ATP1A4: variants seen among roughly 807,000 people sequenced by gnomAD.
The protein encoded by ATP1A4 is sodium/potassium-transporting ATPase subunit alpha-4.
In ATP1A4, 90 loss-of-function variants were observed where a neutral mutation model predicts 114.3. The ratio of observed to expected loss-of-function variants is 0.79; its 90% CI spans 0.66 to 0.94. ATP1A4 has a LOEUF of 0.94. Among genes scored for constraint, ATP1A4 ranks in the 40% least tolerant of loss-of-function variants. ATP1A4 has a pLI of 0.00. For missense variants in ATP1A4, 1,222 were observed against 1,313.6 expected (o/e 0.93, Z 1.08); for synonymous variants, 511 against 494.1 (o/e 1.03, Z -0.45).
Position 160,173,731 on chromosome 1 carries a change from A to G in ATP1A4, c.1991+14A>G, listed in dbSNP as rs1434202939. The G allele has an allele frequency of 2.5e-6, 4 of 1,613,138 alleles. No individual in the cohort carries two copies. The highest frequency in any genetic ancestry group is 3.4e-6 in the Non-Finnish European group (4 of 1,179,442). On this transcript the variant is annotated intron_variant, in intron 13 of 21. Transcript: ENST00000368081. ...GGTCGATGCCAGGTGAGATCACTAA[A>G]GAACTCAAGATCTGCCATGTTCCCT...
At chr1:160,174,818 C>A (rs1404066423) in intron 15 of ATP1A4, 71 bp downstream of exon 15, 9 of 1,589,252 alleles carry the variant, frequency 5.7e-6, no homozygotes, top group Non-Finnish European at 7.7e-6. Flanking sequence ...TACATCCCCT[C>A]TTTCCGTTTT....
intron 12 of ATP1A4, 119 bp downstream of exon 12, chr1:160,171,876 C>T: frequency 9.5e-7 from 1 of 1,050,392 alleles, no homozygotes; most frequent in South Asian, 1.8e-5. Flanking sequence ...TTTCTGTTTC[C>T]TTGGGCTTAT....
At chr1:160,174,036 A>T in intron 13 of ATP1A4, 75 bp from the exon 14 acceptor site, 1 of 1,523,874 alleles carries the variant, frequency 6.6e-7, no homozygotes, top group Non-Finnish European at 8.9e-7. Context: ...ATGAAGCTAT[A>T]GTCAAGATGG....
rs999908402 is a variant in ATP1A4 at position 160,175,979 on chromosome 1, G to T, written c.2312-113G>T. The T allele has an allele frequency of 7.1e-6, 8 of 1,125,772 alleles. 1 individual carries two copies. The East Asian group carries it at 9.4e-5, about 13-fold the overall frequency. The allele number at this position is 1,125,772 out of a possible 1,614,324, so 69.7% of individuals were successfully genotyped here. On this transcript the variant is annotated intron_variant, in intron 15 of 21. Transcript: ENST00000368081. ...GGACCCTGGAGGTCTAGGACCTCCA[G>T]ACCCTTTCCTGGACTGTGACACTTC...
In ATP1A4 at chr1:160,186,888, C is replaced by T; in HGVS notation, c.*189C>T. On this transcript the variant is annotated 3_prime_UTR_variant, in exon 22 of 22. Coordinates refer to ENST00000368081, the MANE Select transcript of ATP1A4 (RefSeq NM_144699.4). The stretch of plus-strand genomic sequence containing the variant: ...TGAGGTGGGCTGAAGGGAAGCCCAG[C>T]CTGCATCTAGCTGGAGCCCCGCAGG... 1 of 682,170 alleles carries T rather than the reference C, an allele frequency of 1.5e-6. No individual in the cohort carries two copies. Among genetic ancestry groups the T allele is most frequent in the Middle Eastern group, 2.8e-4 (1 of 3,632 alleles). The allele number at this position is 682,170 out of a possible 1,614,324, so 42.3% of individuals were successfully genotyped here.
At chr1:160,185,580 G>A (rs1653850942) in intron 20 of ATP1A4, among the ~76,000 whole-genome samples, 1 of 152,020 alleles carries the variant, frequency 6.6e-6, no homozygotes, top group African/African-American at 2.4e-5. Context: ...GAGCTCAAGA[G>A]TTCAAGACCG....
In ATP1A4 at chr1:160,157,485, G is replaced by C. The variant is rs543820824; in HGVS notation, c.525+1327G>C. On this transcript the variant is annotated intron_variant, in intron 4 of 21. Coordinates refer to ENST00000368081, the MANE Select transcript of ATP1A4 (RefSeq NM_144699.4). ...AGTTTGCTTAGGACAATGTCCTCCAGCTCCACCAAAGATAATGCGTTAAAG... is the reference window on the plus strand; with the variant it reads ...AGTTTGCTTAGGACAATGTCCTCCACCTCCACCAAAGATAATGCGTTAAAG... 2.6e-5 allele frequency among the ~76,000 whole-genome samples: 4 copies of C among 152,292 alleles called. No homozygotes were observed. In the East Asian group the frequency reaches 7.7e-4, roughly 29 times the overall value.
At chr1:160,153,646 T>C (rs766442108) in intron 2 of ATP1A4, among the ~76,000 whole-genome samples, 1 of 152,268 alleles carries the variant, frequency 6.6e-6, no homozygotes, top group Non-Finnish European at 1.5e-5. Context: ...TATTCATATA[T>C]GTTTTGACAA....
At chr1:160,172,613 T>C (rs1653305053) in intron 12 of ATP1A4, among the ~76,000 whole-genome samples, 1 of 152,212 alleles carries the variant, frequency 6.6e-6, no homozygotes, top group Non-Finnish European at 1.5e-5. Flanking sequence ...ACTCATCATA[T>C]ACATCTTTAC....
intron 20 of ATP1A4, chr1:160,182,775 G>A (rs1653752755): frequency 6.6e-6 from 1 of 152,608 alleles, no homozygotes; most frequent in South Asian, 2.1e-4. Flanking sequence ...AGGTTCAAGT[G>A]ATTCTCCTGC....
At chr1:160,166,162 C>T (rs1256841601) in intron 7 of ATP1A4, among the ~76,000 whole-genome samples, 9 of 152,084 alleles carry the variant, frequency 5.9e-5, no homozygotes, top group African/African-American at 2.4e-5. Flanking sequence ...CTGAGCTACT[C>T]GGGAGCCTGA....
At chr1:160,167,490 C>T in intron 10 of ATP1A4, 78 bp downstream of exon 10, 1 of 1,569,396 alleles carries the variant, frequency 6.4e-7, no homozygotes, top group South Asian at 1.2e-5. Flanking sequence ...TTTGCCTCTG[C>T]CTTCAACTTC....
At chr1:160,181,614 A>G in intron 18 of ATP1A4, 70 bp from the exon 19 acceptor site, 1 of 1,546,324 alleles carries the variant, frequency 6.5e-7, no homozygotes, top group South Asian at 1.2e-5. Context: ...GGAAGGTGGG[A>G]GAGGAAAGAA....
chr1:160,175,450 T>C (rs1030030780), intron 15 of ATP1A4, among the ~76,000 whole-genome samples: 1 of 152,144 alleles, frequency 6.6e-6, no homozygotes, highest in Non-Finnish European at 1.5e-5. Context: ...TGGGAGGCAC[T>C]ATGCTTGATG....
At chr1:160,184,083 G>C (rs1415661940) in intron 20 of ATP1A4, among the ~76,000 whole-genome samples, 2 of 151,858 alleles carry the variant, frequency 1.3e-5, no homozygotes, top group Non-Finnish European at 2.9e-5. Flanking sequence ...CTCCTGAGTA[G>C]CTGGGATTAC....
intron 12 of ATP1A4, 145 bp downstream of exon 12, chr1:160,171,902 G>A (rs1653278900): frequency 2.4e-6 from 2 of 819,634 alleles, no homozygotes; most frequent in Admixed American, 3.2e-5. Context: ...TTAATTAATA[G>A]TAAGTTTCCT....
At chr1:160,163,596 C>T (rs1451699013) in intron 6 of ATP1A4, among the ~76,000 whole-genome samples, 1 of 152,186 alleles carries the variant, frequency 6.6e-6, no homozygotes, top group South Asian at 2.1e-4. Context: ...CATGGAGGAG[C>T]GTCTGTGCCC....
rs1396882380 is a variant in ATP1A4 at position 160,155,056 on chromosome 1, C to T, written c.219C>T (p.His73=). The T allele has an allele frequency of 1.2e-6, 2 of 1,613,742 alleles. No homozygotes were observed. Among genetic ancestry groups the T allele is most frequent in the African/African-American group, 1.3e-5 (1 of 74,912 alleles). ...TCTTCTCTGCACAGGGCCATAGCCA[C>T]CAAAGGGCAAAGGAAATCCTGACTC... The part of the protein sequence containing the change: ...YSVDLTKGHS[H]QRAKEILTRG... The change falls in exon 3 of 22, where the codon CAC becomes CAT. Residue 73 remains histidine, a synonymous_variant. Coordinates refer to ENST00000368081, the MANE Select transcript of ATP1A4 (RefSeq NM_144699.4).
At position 160,176,116 on chromosome 1, in the gene ATP1A4, A is replaced by T. The variant is rs201779118; in HGVS notation, c.2336A>T (p.Lys779Met). 3 of 1,613,984 alleles carry T rather than the reference A, an allele frequency of 1.9e-6. No homozygotes were observed. Among genetic ancestry groups the T allele is most frequent in the Non-Finnish European group, 2.5e-6 (3 of 1,180,028 alleles). ...EEGRLIFDNL[K>M]KSIMYTLTSN... ...GGCCGCCTGATCTTTGACAACCTGA[A>T]GAAATCCATCATGTACACCCTGACC... The change falls in exon 16 of 22, where the codon AAG (lysine) becomes ATG (methionine). Residue 779 changes from lysine (K) to methionine (M), a missense_variant. Transcript: ENST00000368081.
Sources: gnomAD v4.1 joint callset for allele counts (sites outside exome capture counted in the v4.1 genomes callset) on GRCh38, gnomAD v4.1.1 for gene constraint, MANE v1.5 for transcripts, NCBI Gene and HGNC (gene_info 2026-07-23, HGNC 2026-07-21) for gene names.